The following RTTN variants were observed in gnomAD, a reference collection of about 807,000 sequenced individuals.
The protein encoded by RTTN is rotatin.
A neutral mutation model predicts 269.2 loss-of-function variants in RTTN; 182 were observed. The observed-to-expected ratio is 0.68, with a 90% CI of 0.60 to 0.76. The LOEUF is 0.76. RTTN is among the 30% of genes least tolerant of loss of function. RTTN has a pLI of 0.00. For synonymous variants in RTTN, 1,006 were observed against 963.5 expected, an observed-to-expected ratio of 1.04 and a Z score of -0.82; for missense variants, 2,545 against 2,608.6, an observed-to-expected ratio of 0.98 and a Z score of 0.53.
chr18:70,051,972 GCA>G (rs1275636064), intron 38 of RTTN, among the ~76,000 whole-genome samples: 5 of 152,194 alleles, frequency 3.3e-5, no homozygotes, highest in Non-Finnish European at 1.5e-5. Flanking sequence ...TGAAAGGAAA[GCA>G]CAGTGTGCCA....
intron 25 of RTTN, among the ~76,000 whole-genome samples, chr18:70,122,704 T>C (rs1443015707): frequency 6.6e-6 from 1 of 152,160 alleles, no homozygotes; most frequent in Non-Finnish European, 1.5e-5. Flanking sequence ...CTTAGTAATG[T>C]GGTGTTTGTC....
At chr18:70,158,551 C>T (rs1031641211) in intron 14 of RTTN, among the ~76,000 whole-genome samples, 16 of 152,118 alleles carry the variant, frequency 1.1e-4, no homozygotes, top group African/African-American at 3.9e-4. Context: ...GTCTACGTAA[C>T]AACCAGCTAG....
chr18:70,013,135 A>G (rs183878946), intron 46 of RTTN, among the ~76,000 whole-genome samples: 76 of 152,272 alleles, frequency 5.0e-4, no homozygotes, highest in Non-Finnish European at 8.8e-4. Context: ...AGCCATGTAC[A>G]TAGCTTGCAG....
At chr18:70,198,048 C>T (rs1329596591) in intron 5 of RTTN, among the ~76,000 whole-genome samples, 5 of 152,150 alleles carry the variant, frequency 3.3e-5, no homozygotes, top group Admixed American at 6.5e-5. Flanking sequence ...GTCTGCAAAA[C>T]GAGTTCAATG....
intron 23 of RTTN, chr18:70,131,357 A>G (rs570226876): frequency 1.3e-5 from 2 of 151,684 alleles, no homozygotes; most frequent in Admixed American, 6.6e-5. Flanking sequence ...TAAAATATGT[A>G]TAGAATTTAA....
chr18:70,067,207 T>C lies in RTTN; in HGVS notation c.4654-1285A>G, dbSNP rs183085766. 6.3e-3 allele frequency among the ~76,000 whole-genome samples: 945 copies of C among 151,144 alleles called. 10 individuals carry two copies. The highest frequency in any genetic ancestry group is 0.021 in the African/African-American group (888 of 41,334). On this transcript the variant is annotated intron_variant, in intron 34 of 48. Coordinates refer to ENST00000640769, the MANE Select transcript of RTTN (RefSeq NM_173630.4). Reference sequence around the variant, plus strand: ...CGGAGTCTCACTCTGTTGCCCAGGCTGGAGTGCAGTGGCACGATCTCGGCT... The same window carrying C: ...CGGAGTCTCACTCTGTTGCCCAGGCCGGAGTGCAGTGGCACGATCTCGGCT...
intron 18 of RTTN, 38 bp downstream of exon 18, chr18:70,145,574 A>T (rs1352084727): frequency 6.9e-7 from 1 of 1,449,656 alleles, no homozygotes; most frequent in Non-Finnish European, 9.4e-7. Flanking sequence ...AAATGTATCA[A>T]ATTACCACAC....
At chr18:70,006,521 C>G (rs747990565) in intron 46 of RTTN, 37 bp from the exon 47 acceptor site, 1 of 1,440,720 alleles carries the variant, frequency 6.9e-7, no homozygotes, top group South Asian at 1.1e-5. Flanking sequence ...AGTTCAGTCC[C>G]AGACACTGCA....
rs1018515229 is a variant in RTTN at position 70,092,815 on chromosome 18, A to G, written c.3904-11T>C. ...AAAAGAAGTAATGACCTGAAAAACA[A>G]ATGTAAACAATTTCATGGTGGCTTT... On this transcript the variant is annotated splice_polypyrimidine_tract_variant and intron_variant, in intron 28 of 48. Coordinates refer to ENST00000640769, the MANE Select transcript of RTTN (RefSeq NM_173630.4). 1 of 1,595,764 alleles carries G rather than the reference A, an allele frequency of 6.3e-7. No individual in the cohort carries two copies. The highest frequency in any genetic ancestry group is 1.1e-5 in the South Asian group (1 of 88,824).
chr18:70,101,310 T>C (rs2059158239), intron 28 of RTTN, among the ~76,000 whole-genome samples: 1 of 152,162 alleles, frequency 6.6e-6, no homozygotes, highest in Non-Finnish European at 1.5e-5. Flanking sequence ...CTTCGGAGGG[T>C]GTATGTGTCC....
chr18:70,104,584 A>G (rs1410894236), intron 28 of RTTN, among the ~76,000 whole-genome samples: 1 of 152,126 alleles, frequency 6.6e-6, no homozygotes, highest in African/African-American at 2.4e-5. Flanking sequence ...TGATTTTTAG[A>G]ATTTTCAGCT....
chr18:70,070,787 C>A (rs563194185), intron 34 of RTTN, among the ~76,000 whole-genome samples: 3 of 152,176 alleles, frequency 2.0e-5, no homozygotes, highest in Non-Finnish European at 4.4e-5. Flanking sequence ...TTCAGTACAA[C>A]ACAACTTCAT....
At position 70,205,660 on chromosome 18, in the gene RTTN, T is replaced by TA; in HGVS notation, c.-3_-2insT. ...CCTGATGAGCCCTGCCAGGACCATC[T>TA]CGTCCCGTCAATCTGCAGCCGCCGG... On this transcript the variant is annotated 5_prime_UTR_variant, in exon 1 of 49. Coordinates refer to ENST00000640769, the MANE Select transcript of RTTN (RefSeq NM_173630.4). 1 of 1,614,056 alleles carries TA rather than the reference T, an allele frequency of 6.2e-7. No homozygotes were observed.
Position 70,199,482 on chromosome 18 carries a change from C to G in RTTN, c.510G>C (p.Leu170Phe), listed in dbSNP as rs1273533242. The change falls in exon 5 of 49, where the codon TTG becomes TTC. Residue 170 changes from leucine to phenylalanine, a missense_variant. By Grantham distance (22) the Leu-to-Phe change is conservative. Transcript: ENST00000640769. ...RPVVNQTVKC[L>F]KFSTFPWLPL... The stretch of plus-strand genomic sequence containing the variant: ...GTAGCCAAGGAAATGTAGAAAACTT[C>G]AAGCACTTCACAGTCTGATTTACTG... 2 of 1,612,360 alleles carry G rather than the reference C, an allele frequency of 1.2e-6. No individual in the cohort carries two copies. The highest frequency in any genetic ancestry group is 2.2e-5 in the East Asian group (1 of 44,778).
intron 30 of RTTN, among the ~76,000 whole-genome samples, chr18:70,091,020 T>C (rs567729208): frequency 1.3e-5 from 2 of 152,352 alleles, no homozygotes; most frequent in East Asian, 1.9e-4. Context: ...TATTCTACCA[T>C]CATCTTTTGG....
chr18:70,046,869 T>C (rs1384699415), intron 40 of RTTN, among the ~76,000 whole-genome samples: 1 of 152,080 alleles, frequency 6.6e-6, no homozygotes, highest in Admixed American at 6.5e-5. Context: ...GGAGACAAAG[T>C]CCCCTGAGGA....
At chr18:70,205,596 G>A (rs748847977) in intron 1 of RTTN, 32 bp downstream of exon 1, 16 of 1,613,754 alleles carry the variant, frequency 9.9e-6, no homozygotes, top group East Asian at 2.2e-5. Context: ...AGCGCGGGGG[G>A]TGCCTTGGGC....
intron 27 of RTTN, among the ~76,000 whole-genome samples, chr18:70,112,222 C>T (rs1302069424): frequency 6.6e-6 from 1 of 152,046 alleles, no homozygotes; most frequent in African/African-American, 2.4e-5. Flanking sequence ...TAAAGAACAT[C>T]GACGCTATGA....
intron 34 of RTTN, among the ~76,000 whole-genome samples, chr18:70,071,317 G>C (rs896497817): frequency 6.6e-6 from 1 of 152,078 alleles, no homozygotes; most frequent in African/African-American, 2.4e-5. Context: ...AAGTTTGAAA[G>C]ATCACATATT....
Sources: allele counts gnomAD v4.1 joint callset (sites outside exome capture counted in the v4.1 genomes callset), GRCh38; gene constraint gnomAD v4.1.1; transcripts MANE v1.5; gene names NCBI Gene and HGNC (gene_info 2026-07-23, HGNC 2026-07-21).